Variants in PALMD observed in about 807,000 individuals in gnomAD.
The protein encoded by PALMD is paralemmin-like protein.
Under a neutral mutation model 56.2 loss-of-function variants are expected in PALMD, and 42 were observed. That is an observed-to-expected ratio of 0.75 (90% CI 0.58 to 0.97). The LOEUF is 0.97. PALMD is among the 50% of genes least tolerant of loss of function. The probability of loss-of-function intolerance (pLI) is 0.00; values close to 1 mark genes in which losing one functional copy is unlikely to be tolerated. For missense variants in PALMD, 660 were observed against 643.8 expected, an observed-to-expected ratio of 1.03 and a Z score of -0.27; for synonymous variants, 242 against 222.9, an observed-to-expected ratio of 1.09 and a Z score of -0.76.
chr1:99,693,203 C>T (rs1653702568), intron 7 of PALMD, among the ~76,000 whole-genome samples: 1 of 152,072 alleles, frequency 6.6e-6, no homozygotes, highest in Admixed American at 6.5e-5. Context: ...GTTCTTGGGC[C>T]ATATTACATG....
chr1:99,672,376 T>C (rs1653105754), intron 3 of PALMD, among the ~76,000 whole-genome samples: 1 of 152,200 alleles, frequency 6.6e-6, no homozygotes, highest in Non-Finnish European at 1.5e-5. Flanking sequence ...AAAAGAGCCC[T>C]GCGCTTACTG....
In PALMD at chr1:99,648,921, G is replaced by A. The variant is rs556039124; in HGVS notation, c.45+2559G>A. ...AAAAAAAAAAGGTTAAACACATTAA[G>A]TAGTTGAAATGTGACACTTAGGCTC... On this transcript the variant is annotated intron_variant, in intron 1 of 7. Transcript: ENST00000263174. Among the ~76,000 whole-genome samples, 80 of 146,954 alleles carry A rather than the reference G, an allele frequency of 5.4e-4. No individual in the cohort carries two copies. In the South Asian group the frequency reaches 0.014, roughly 26 times the overall value.
chr1:99,689,068 A>G lies in PALMD; in HGVS notation c.808A>G (p.Thr270Ala). The change falls in exon 7 of 8, where the codon ACA becomes GCA. Residue 270 changes from threonine (T) to alanine (A), a missense_variant. Transcript: ENST00000263174. ...ATATGCCAATCCCTTTTACAGGCCTACAACCCCACAGAGAGAAACGGTGAC... is the reference window on the plus strand; with the variant it reads ...ATATGCCAATCCCTTTTACAGGCCTGCAACCCCACAGAGAGAAACGGTGAC... ...PVYANPFYRP[T>A]TPQRETVTPG... The G allele has an allele frequency of 6.2e-7, 1 of 1,613,742 alleles. No homozygotes were observed. The highest frequency in any genetic ancestry group is 1.1e-5 in the South Asian group (1 of 91,062).
rs762252276 is a variant in PALMD at position 99,686,814 on chromosome 1, CTG to C, written c.366+26_366+27del. 5.3e-5 allele frequency: 73 copies of C among 1,386,804 alleles called. No homozygotes were observed. In the African/African-American group the frequency reaches 8.8e-4, roughly 17 times the overall value. The allele number at this position is 1,386,804 out of a possible 1,614,324, so 85.9% of individuals were successfully genotyped here. ...GAGTGAGCATTAACCAATTTTAAAA[CTG>C]TAATTCTCTCTCAAAATGAATCCAC... On this transcript the variant is annotated intron_variant, in intron 4 of 7. Transcript: ENST00000263174.
chr1:99,674,011 A>G (rs1284091956), intron 3 of PALMD, among the ~76,000 whole-genome samples: 1 of 152,192 alleles, frequency 6.6e-6, no homozygotes, highest in Non-Finnish European at 1.5e-5. Context: ...AAAATAAGAA[A>G]AGAATAAACA....
rs767922307 is a variant in PALMD, at chr1:99,689,494, C to A, written c.1234C>A (p.Pro412Thr). Residue 412 changes from proline (P) to threonine (T), a missense_variant, in exon 7 of 8, where the codon CCG becomes ACG. Coordinates refer to ENST00000263174, the MANE Select transcript of PALMD (RefSeq NM_017734.5). ...SLPPDINDTE[P>T]VTMIFMGYQQ... ...GCCTCCAGACATAAATGATACAGAA[C>A]CGGTGACAATGATTTTCATGGGGTA... is the stretch of plus-strand genomic sequence containing the variant. 1 of 1,613,608 alleles carries A rather than the reference C, an allele frequency of 6.2e-7. No homozygotes were observed. Among genetic ancestry groups the A allele is most frequent in the Non-Finnish European group, 8.5e-7 (1 of 1,179,874 alleles).
chr1:99,689,520 T>A lies in PALMD; in HGVS notation c.1260T>A (p.Tyr420Ter). The change falls in exon 7 of 8, where the codon TAT becomes TAA. Residue 420 changes from tyrosine (Y) to a stop codon, truncating the protein, a stop_gained. Coordinates refer to ENST00000263174, the MANE Select transcript of PALMD (RefSeq NM_017734.5). LOFTEE classifies it high-confidence loss of function. ...CGGTGACAATGATTTTCATGGGGTA[T>A]CAGCAGGCAGAAGACAGTGAAGAAG... Reference protein sequence around the residue: ...TEPVTMIFMGYQQAEDSEEDK... With the variant: ...TEPVTMIFMG 6.2e-7 allele frequency: 1 copy of A among 1,613,778 alleles called. No individual in the cohort carries two copies. Among genetic ancestry groups the A allele is most frequent in the Non-Finnish European group, 8.5e-7 (1 of 1,179,848 alleles).
chr1:99,680,356 G>A (rs12068384), intron 3 of PALMD, among the ~76,000 whole-genome samples: 5,563 of 152,070 alleles, frequency 0.037, 278 homozygotes, highest in African/African-American at 0.12. Context: ...TTTCCCCAGT[G>A]AATAGGCAAG....
intron 2 of PALMD, among the ~76,000 whole-genome samples, chr1:99,664,570 G>A (rs1354863726): frequency 6.6e-6 from 1 of 152,170 alleles, no homozygotes; most frequent in Non-Finnish European, 1.5e-5. Context: ...AGAGAAGAAA[G>A]AGTGGCTATT....
intron 1 of PALMD, among the ~76,000 whole-genome samples, chr1:99,648,802 T>C (rs1652500079): frequency 6.6e-6 from 1 of 152,010 alleles, no homozygotes; most frequent in African/African-American, 2.4e-5. Flanking sequence ...AGTCATTATT[T>C]TTCACTGCAA....
At chr1:99,664,349 G>A (rs1652915576) in intron 2 of PALMD, among the ~76,000 whole-genome samples, 1 of 152,112 alleles carries the variant, frequency 6.6e-6, no homozygotes, top group African/African-American at 2.4e-5. Context: ...GTCTTAACTG[G>A]TAAGTAGAAT....
rs1457892464 is a variant in PALMD at position 99,683,090 on chromosome 1, GAA to G, written c.252-3584_252-3583del. On this transcript the variant is annotated intron_variant, in intron 3 of 7. Transcript: ENST00000263174. Reference sequence around the variant, plus strand: ...AGAGAGAGAGAGAGAGAGAGAGAGAGAAAGAAAGAAAGAAAGAAAGAAAGAAA... The same window carrying G: ...AGAGAGAGAGAGAGAGAGAGAGAGAGAGAAAGAAAGAAAGAAAGAAAGAAA... 9.8e-3 allele frequency among the ~76,000 whole-genome samples: 316 copies of G among 32,186 alleles called. 5 individuals carry two copies. Among genetic ancestry groups the G allele is most frequent in the East Asian group, 0.021 (26 of 1,240 alleles). 21.1% of individuals were successfully genotyped at this position (32,186 alleles called of 152,430 possible).
At chr1:99,679,046 G>A (rs970069454) in intron 3 of PALMD, among the ~76,000 whole-genome samples, 16 of 151,950 alleles carry the variant, frequency 1.1e-4, no homozygotes, top group Middle Eastern at 3.4e-3. Context: ...TCCATCGACC[G>A]GCCTCAGAGG....
At chr1:99,679,835 C>T (rs886343396) in intron 3 of PALMD, among the ~76,000 whole-genome samples, 3 of 152,112 alleles carry the variant, frequency 2.0e-5, no homozygotes, top group African/African-American at 7.2e-5. Context: ...AGACTCTGGG[C>T]CGGTTGCCTT....
intron 1 of PALMD, among the ~76,000 whole-genome samples, chr1:99,650,157 C>A (rs1235071197): frequency 6.6e-6 from 1 of 151,720 alleles, no homozygotes; most frequent in Non-Finnish European, 1.5e-5. Flanking sequence ...AAAAGTTAGA[C>A]AATAAAAATA....
At chr1:99,667,617 A>T (rs1286075033) in intron 2 of PALMD, 25 bp from the exon 3 acceptor site, 2 of 1,605,152 alleles carry the variant, frequency 1.2e-6, no homozygotes, top group Non-Finnish European at 1.7e-6. Flanking sequence ...ATATAAGAAC[A>T]TATCTTTATG....
intron 1 of PALMD, among the ~76,000 whole-genome samples, chr1:99,657,280 T>C (rs1014043245): frequency 1.3e-5 from 2 of 152,192 alleles, no homozygotes; most frequent in Non-Finnish European, 2.9e-5. Context: ...ATCCATCATC[T>C]TTTTTTCCAA....
chr1:99,670,727 A>G (rs1337494627), intron 3 of PALMD, among the ~76,000 whole-genome samples: 1 of 152,224 alleles, frequency 6.6e-6, no homozygotes, highest in East Asian at 1.9e-4. Context: ...TAAAAATATA[A>G]CAGCAACAGA....
chr1:99,653,114 A>T (rs1329554066), intron 1 of PALMD, among the ~76,000 whole-genome samples: 1 of 152,086 alleles, frequency 6.6e-6, no homozygotes, highest in Non-Finnish European at 1.5e-5. Flanking sequence ...TGCATCTTTC[A>T]CAGTTCCCTC....
Sources: gnomAD v4.1 joint callset for allele counts (sites outside exome capture counted in the v4.1 genomes callset) on GRCh38, gnomAD v4.1.1 for gene constraint, MANE v1.5 for transcripts, NCBI Gene and HGNC (gene_info 2026-07-23, HGNC 2026-07-21) for gene names.